Variants in GPLD1 observed in about 807,000 individuals in gnomAD.
GPLD1 encodes the protein glycosylphosphatidylinositol specific phospholipase D1.
GPLD1 carries 84 observed loss-of-function variants against 112.6 expected under a neutral mutation model. That is an observed-to-expected ratio of 0.75 (90% CI 0.63 to 0.89). The LOEUF is 0.89. Among genes scored for constraint, GPLD1 ranks in the 40% least tolerant of loss-of-function variants. The pLI, the probability that GPLD1 is intolerant of heterozygous loss-of-function variation, is 0.00. For synonymous variants in GPLD1, 386 were observed against 403.8 expected, an observed-to-expected ratio of 0.96 and a Z score of 0.53; for missense variants, 1,044 against 1,051.5, an observed-to-expected ratio of 0.99 and a Z score of 0.10.
intron 16 of GPLD1, 45 bp from the exon 17 acceptor site, chr6:24,448,078 C>G: frequency 6.2e-7 from 1 of 1,612,400 alleles, no homozygotes; most frequent in Non-Finnish European, 8.5e-7. Context: ...GCCCTGGTGG[C>G]AGTTAGGATA....
intron 7 of GPLD1, among the ~76,000 whole-genome samples, chr6:24,469,197 A>C (rs1380109822): frequency 1.3e-5 from 2 of 151,380 alleles, no homozygotes; most frequent in Non-Finnish European, 2.9e-5. Flanking sequence ...AAACTAGTTC[A>C]ACCATTGTGG....
At chr6:24,486,835 GTCA>G (rs1561860756) in intron 1 of GPLD1, among the ~76,000 whole-genome samples, 5 of 151,550 alleles carry the variant, frequency 3.3e-5, no homozygotes, top group South Asian at 2.1e-4. Flanking sequence ...AAAAGAAACT[GTCA>G]TCATATTTTG....
intron 3 of GPLD1, among the ~76,000 whole-genome samples, chr6:24,478,273 G>A (rs970058148): frequency 6.6e-6 from 1 of 152,110 alleles, no homozygotes. Flanking sequence ...CAAAATAATA[G>A]GATTGAGAAA....
Position 24,460,288 on chromosome 6 carries a change from G to A in GPLD1, c.999C>T (p.Ser333=). 1 of 1,613,828 alleles carries A rather than the reference G, an allele frequency of 6.2e-7. No individual in the cohort carries two copies. Among genetic ancestry groups the A allele is most frequent in the Non-Finnish European group, 8.5e-7 (1 of 1,179,878 alleles). ...AGCAGAAAATTCTTACCGGGGTCCAGGAATTTACACTAAAGAACACTCCTC... is the reference window on the plus strand; with the variant it reads ...AGCAGAAAATTCTTACCGGGGTCCAAGAATTTACACTAAAGAACACTCCTC... The part of the protein sequence containing the change: ...TERGVFFSVN[S]WTPDSMSFIY... Residue 333 remains serine (S), a synonymous_variant, in exon 12 of 25, where the codon TCC becomes TCT. Coordinates refer to ENST00000230036, the MANE Select transcript of GPLD1 (RefSeq NM_001503.4).
intron 15 of GPLD1, among the ~76,000 whole-genome samples, chr6:24,449,109 CAG>C (rs140805813): frequency 0.031 from 4,770 of 151,822 alleles, 96 homozygotes; most frequent in Non-Finnish European, 0.044. Context: ...TAAAGAAAGA[CAG>C]GGGAGAAAAA....
intron 24 of GPLD1, among the ~76,000 whole-genome samples, chr6:24,429,518 T>C (rs1019809901): frequency 4.6e-5 from 7 of 152,208 alleles, no homozygotes; most frequent in East Asian, 3.9e-4. Context: ...TCTTTCAGAA[T>C]TGCCTTCAAA....
chr6:24,466,980 G>A (rs201151617), intron 8 of GPLD1, 41 bp from the exon 9 acceptor site: 3 of 1,550,468 alleles, frequency 1.9e-6, no homozygotes, highest in East Asian at 4.5e-5. Flanking sequence ...GTTGCAGTTT[G>A]TAACAGAGAA....
chr6:24,465,196 C>CAAAAAAAAAA (rs34368143), intron 10 of GPLD1, among the ~76,000 whole-genome samples: 1 of 101,300 alleles, frequency 9.9e-6, no homozygotes, highest in Non-Finnish European at 1.9e-5. Context: ...GACTCTGTCT[C>CAAAAAAAAAA]AAAAAAAAAA....
intron 22 of GPLD1, among the ~76,000 whole-genome samples, chr6:24,435,563 T>G (rs1338784544): frequency 6.6e-6 from 1 of 152,002 alleles, no homozygotes; most frequent in African/African-American, 2.4e-5. Flanking sequence ...TAATTTTAAA[T>G]TTTTTAAAAT....
In GPLD1 at chr6:24,437,221, G is replaced by C. The variant is rs1159286565; in HGVS notation, c.2089C>G (p.Leu697Val). ...AGCAGAGGCTGCGCGTCAGATGTGA[G>C]TGCGTACATGCGAGTGGCTCCGCCT... ...HQGGATRMYALTSDAQPLLLS... is the reference protein window; with the variant it reads ...HQGGATRMYAVTSDAQPLLLS... Residue 697 changes from leucine to valine, a missense_variant, in exon 21 of 25, where the codon CTC becomes GTC. Leu to Val is a conservative substitution (Grantham distance 32, BLOSUM62 1). Coordinates refer to ENST00000230036, the MANE Select transcript of GPLD1 (RefSeq NM_001503.4). 4 of 1,614,030 alleles carry C rather than the reference G, an allele frequency of 2.5e-6. No homozygotes were observed. The highest frequency in any genetic ancestry group is 1.3e-5 in the African/African-American group (1 of 74,946).
In GPLD1 at chr6:24,429,130, A is replaced by G; in HGVS notation, c.2437-12T>C. On this transcript the variant is annotated splice_polypyrimidine_tract_variant and intron_variant, in intron 24 of 24. Coordinates refer to ENST00000230036, the MANE Select transcript of GPLD1 (RefSeq NM_001503.4). ...ATGACGACTTGGTTCTGTAAGGGACACAAGACAGAATTCATGGCTCATTCA... is the reference window on the plus strand; with the variant it reads ...ATGACGACTTGGTTCTGTAAGGGACGCAAGACAGAATTCATGGCTCATTCA... 6.3e-7 allele frequency: 1 copy of G among 1,580,132 alleles called. No homozygotes were observed.
In GPLD1 at chr6:24,488,472, T is replaced by C. The variant is rs369321172; in HGVS notation, c.97+943A>G. Among the ~76,000 whole-genome samples the C allele has an allele frequency of 5.3e-4, 80 of 152,092 alleles. 1 individual carries two copies. Among genetic ancestry groups the C allele is most frequent in the African/African-American group, 1.8e-3 (74 of 41,498 alleles). On this transcript the variant is annotated intron_variant, in intron 1 of 24. Coordinates refer to ENST00000230036, the MANE Select transcript of GPLD1 (RefSeq NM_001503.4). ...TATCTGAAATTAATCTGAAAATTGC[T>C]GTAGAATGTTATCACAGCTAATTCT...
intron 17 of GPLD1, 130 bp downstream of exon 17, chr6:24,447,747 T>A (rs982015151): frequency 3.5e-6 from 3 of 852,708 alleles, no homozygotes; most frequent in Non-Finnish European, 5.4e-6. Flanking sequence ...TCTTTAAGAG[T>A]AACAGACTGT....
chr6:24,436,599 T>C lies in GPLD1; in HGVS notation c.2335A>G (p.Ile779Val), dbSNP rs1762584305. The change falls in exon 22 of 25, where the codon ATA (isoleucine) becomes GTA (valine). Residue 779 changes from isoleucine (I) to valine (V), a missense_variant. Physicochemically the swap from Ile to Val is conservative, Grantham distance 29 (BLOSUM62 3). Coordinates refer to ENST00000230036, the MANE Select transcript of GPLD1 (RefSeq NM_001503.4). ...ACCTTTTCTTCTGGACATGGAGTTA[T>C]CCATGATTTGCATTTGCCAGTCATG... Reference protein sequence around the residue: ...GDMTGKCKSWITPCPEEKAQY... With the variant: ...GDMTGKCKSWVTPCPEEKAQY... 6.2e-7 allele frequency: 1 copy of C among 1,613,882 alleles called. No homozygotes were observed. Among genetic ancestry groups the C allele is most frequent in the African/African-American group, 1.3e-5 (1 of 74,932 alleles).
chr6:24,483,431 C>T (rs1581788565), intron 2 of GPLD1, among the ~76,000 whole-genome samples: 1 of 152,028 alleles, frequency 6.6e-6, no homozygotes, highest in East Asian at 1.9e-4. Flanking sequence ...ATTATCCCAG[C>T]ACGTTGGGAG....
At chr6:24,447,042 G>C (rs997151941) in intron 17 of GPLD1, 63 bp from the exon 18 acceptor site, 1 of 1,466,190 alleles carries the variant, frequency 6.8e-7, no homozygotes, top group Non-Finnish European at 9.4e-7. Flanking sequence ...GGGATGAAAA[G>C]AAAGGGTCCT....
intron 2 of GPLD1, among the ~76,000 whole-genome samples, chr6:24,482,161 G>A (rs550737301): frequency 6.8e-6 from 1 of 147,164 alleles, no homozygotes; most frequent in Non-Finnish European, 1.5e-5. Flanking sequence ...GTGCAGTGGC[G>A]TGATCTCAGC....
chr6:24,472,493 T>C, intron 7 of GPLD1, 89 bp downstream of exon 7: 1 of 763,760 alleles, frequency 1.3e-6, no homozygotes, highest in Non-Finnish European at 2.3e-6. Context: ...AGACTTCTAA[T>C]TATATTGTCA....
At chr6:24,495,216 G>A (rs1411234399), upstream of GPLD1, 7 of 1,508,582 alleles carry the variant, frequency 4.6e-6, no homozygotes, top group Middle Eastern at 2.3e-4. Context: ...CCCGGCCGCC[G>A]CCACCTTCCC....
Sources: gnomAD v4.1 joint callset for allele counts (sites outside exome capture counted in the v4.1 genomes callset) on GRCh38, gnomAD v4.1.1 for gene constraint, MANE v1.5 for transcripts, NCBI Gene and HGNC (gene_info 2026-07-23, HGNC 2026-07-21) for gene names.